The following ZNF454 variants were observed in gnomAD, a reference collection of about 807,000 sequenced individuals.
ZNF454 encodes zinc finger protein 454.
A neutral mutation model predicts 48.2 loss-of-function variants in ZNF454; 30 were observed. That is an observed-to-expected ratio of 0.62 (90% confidence interval 0.47 to 0.84). The LOEUF (loss-of-function observed/expected upper bound fraction) is 0.84, where lower values mean the gene tolerates loss of function less well. Ranked by LOEUF, ZNF454 falls within the 40% of genes least tolerant of loss-of-function variation. ZNF454 has a pLI of 0.00. For synonymous variants in ZNF454, 204 were observed against 211.4 expected (o/e 0.97, Z 0.30); for missense variants, 510 against 623.1 (o/e 0.82, Z 1.93).
chr5:178,959,751 G>A (rs1199729631), intron 4 of ZNF454, among the ~76,000 whole-genome samples: 4 of 149,304 alleles, frequency 2.7e-5, no homozygotes, highest in South Asian at 2.1e-4. Flanking sequence ...GACTACAGGC[G>A]CCCACCACCA....
chr5:178,989,425 G>A, the ZNF454 span: 1 of 1,613,836 alleles, frequency 6.2e-7, no homozygotes, highest in Non-Finnish European at 8.5e-7. Flanking sequence ...GGGAAGAAGG[G>A]GGAGGGTGGC....
chr5:178,951,842 T>C (rs1490711410), intron 4 of ZNF454, among the ~76,000 whole-genome samples: 1 of 152,236 alleles, frequency 6.6e-6, no homozygotes, highest in Admixed American at 6.5e-5. Flanking sequence ...TCAACTTCAC[T>C]AGATATTCTC....
chr5:178,981,602 C>A, the ZNF454 span: 1 of 1,399,816 alleles, frequency 7.1e-7, no homozygotes. This position sits in a 1 kb window ranked among gnomAD's most constrained non-coding sequence, Gnocchi z 5.1. Context: ...GCTTCCACCT[C>A]GAGGCAAGAG....
downstream of ZNF454, chr5:178,968,720 C>A: frequency 2.2e-6 from 1 of 455,892 alleles, no homozygotes; most frequent in South Asian, 1.6e-5. Flanking sequence ...TTAACTACCA[C>A]CCCCTTACCT....
In ZNF454 at chr5:178,946,601, G is replaced by A. The variant is rs1192717713; in HGVS notation, c.160+116G>A. ...AACTGAGGACGCTGTCTTCAAGGGT[G>A]CCATTAATTTTACCTGTCCTTGGTG... is the stretch of plus-strand genomic sequence containing the variant. On this transcript the variant is annotated intron_variant, in intron 3 of 4. Coordinates refer to ENST00000519564, the MANE Select transcript of ZNF454 (RefSeq NM_001178089.3). This position sits in a 1 kb window ranked among gnomAD's most constrained non-coding sequence, Gnocchi z 4.5. The A allele has an allele frequency of 2.4e-5, 33 of 1,403,568 alleles. No individual in the cohort carries two copies. The highest frequency in any genetic ancestry group is 3.2e-5 in the Non-Finnish European group (33 of 1,047,026). 86.9% of individuals were successfully genotyped at this position (1,403,568 alleles called of 1,614,324 possible). A position where few individuals can be genotyped will look rare whatever the true frequency, so the allele number is the denominator to read the frequency against.
the ZNF454 span, chr5:178,988,805 G>A: frequency 4.2e-6 from 3 of 722,100 alleles, no homozygotes; most frequent in African/African-American, 3.5e-5. This position sits in a 1 kb window ranked among gnomAD's most constrained non-coding sequence, Gnocchi z 6.0. Flanking sequence ...TTGGCACTCA[G>A]CCCCAGGCAC....
At chr5:178,956,338 T>C (rs1285739439) in intron 4 of ZNF454, among the ~76,000 whole-genome samples, 2 of 152,108 alleles carry the variant, frequency 1.3e-5, no homozygotes, top group African/African-American at 4.8e-5. Flanking sequence ...TGTGAGAAGC[T>C]TTCCTCAGTT....
chr5:178,989,062 G>A, the ZNF454 span: 870,447 of 1,613,020 alleles, frequency 0.54, 237,047 homozygotes, highest in Admixed American at 0.56. Flanking sequence ...GGGCAATGGC[G>A]TACACCGCAT....
chr5:178,948,378 A>T lies in ZNF454; in HGVS notation c.250+1392A>T, dbSNP rs1002626266. ...ACAAATAGTCTTATAACAAAAATGG[A>T]GGCAATTAAAAGAAATTCATCCACA... On this transcript the variant is annotated intron_variant, in intron 4 of 4. Transcript: ENST00000519564. 2.0e-5 allele frequency among the ~76,000 whole-genome samples: 3 copies of T among 152,236 alleles called. No individual in the cohort carries two copies. In the South Asian group the frequency reaches 6.2e-4, roughly 31 times the overall value.
Position 178,952,759 on chromosome 5 carries a change from T to TG in ZNF454, c.250+5773_250+5774insG, listed in dbSNP as rs11377987. 5.9e-5 allele frequency among the ~76,000 whole-genome samples: 9 copies of TG among 152,042 alleles called. No individual in the cohort carries two copies. In the East Asian group the frequency reaches 1.7e-3, roughly 29 times the overall value. ...ATAATATTTACCTTTTTCTTTTTTT[T>TG]CTGTGTAAATGTTGTCAAAAGTTTG... On this transcript the variant is annotated intron_variant, in intron 4 of 4. Transcript: ENST00000519564.
chr5:178,983,846 C>G, the ZNF454 span, among the ~76,000 whole-genome samples: 1 of 152,222 alleles, frequency 6.6e-6, no homozygotes, highest in Non-Finnish European at 1.5e-5. Context: ...ACGAAGCCAC[C>G]TGCATAAAGG....
the ZNF454 span, among the ~76,000 whole-genome samples, chr5:178,975,896 G>C: frequency 6.6e-6 from 1 of 152,178 alleles, no homozygotes; most frequent in Non-Finnish European, 1.5e-5. Flanking sequence ...GGCCTTCGGA[G>C]CAAAACTCTC....
chr5:178,945,045 G>A (rs952371463), intron 2 of ZNF454, among the ~76,000 whole-genome samples: 10 of 144,204 alleles, frequency 6.9e-5, no homozygotes, highest in Non-Finnish European at 1.2e-4. Context: ...TGTGTGTGTT[G>A]AGGGTGTGTG....
chr5:178,982,867 C>T, the ZNF454 span: 1 of 1,392,020 alleles, frequency 7.2e-7, no homozygotes, highest in East Asian at 2.3e-5. Flanking sequence ...ACCAGCCTGA[C>T]AGGCAGGAAA....
chr5:178,986,322 C>CT, the ZNF454 span: 1 of 1,614,130 alleles, frequency 6.2e-7, no homozygotes, highest in Non-Finnish European at 8.5e-7. Flanking sequence ...CGGCCCCAGG[C>CT]TCAGCCACCA....
chr5:178,947,098 C>T (rs2113195578), intron 4 of ZNF454, 112 bp downstream of exon 4: 3 of 856,262 alleles, frequency 3.5e-6, no homozygotes, highest in African/African-American at 1.7e-5. Flanking sequence ...TGAGAAAGAG[C>T]CTGTTTCACA....
the ZNF454 span, among the ~76,000 whole-genome samples, chr5:178,975,114 C>A: frequency 6.6e-6 from 1 of 152,148 alleles, no homozygotes; most frequent in Non-Finnish European, 1.5e-5. Flanking sequence ...TCAAGACCAG[C>A]CTGGCCAACA....
Position 178,966,011 on chromosome 5 carries a change from G to T in ZNF454, c.*38G>T. Reference sequence around the variant, plus strand: ...TTGTATGGAAGACCTTTGAGACTGAGTAGATGAATTATTGAATGTGAGATA... The same window carrying T: ...TTGTATGGAAGACCTTTGAGACTGATTAGATGAATTATTGAATGTGAGATA... On this transcript the variant is annotated 3_prime_UTR_variant, in exon 5 of 5. Transcript: ENST00000519564. 7.0e-7 allele frequency: 1 copy of T among 1,430,670 alleles called. No individual in the cohort carries two copies. The allele number at this position is 1,430,670 out of a possible 1,614,324, so 88.6% of individuals were successfully genotyped here.
the ZNF454 span, among the ~76,000 whole-genome samples, chr5:178,988,482 C>A: frequency 6.6e-5 from 10 of 152,206 alleles, no homozygotes; most frequent in Non-Finnish European, 8.8e-5. This position sits in a 1 kb window ranked among gnomAD's most constrained non-coding sequence, Gnocchi z 6.0. Flanking sequence ...TGAGCCCTGA[C>A]CACACACCAA....
Sources: allele counts gnomAD v4.1 joint callset (sites outside exome capture counted in the v4.1 genomes callset), GRCh38; gene constraint gnomAD v4.1.1; non-coding constraint Gnocchi (gnomAD v3.1); transcripts MANE v1.5; gene names NCBI Gene and HGNC (gene_info 2026-07-23, HGNC 2026-07-21).